AUTS2: variants seen among roughly 807,000 people sequenced by gnomAD.
The protein encoded by AUTS2 is activator of transcription and developmental regulator AUTS2.
AUTS2 carries 17 observed loss-of-function variants against 112.4 expected under a neutral mutation model. That is an observed-to-expected ratio of 0.15 (90% confidence interval 0.10 to 0.23). The LOEUF is 0.23. Ranked by LOEUF, AUTS2 falls within the 10% of genes least tolerant of loss-of-function variation. The pLI, the probability that AUTS2 is intolerant of heterozygous loss-of-function variation, is 1.00. For synonymous variants in AUTS2, 751 were observed against 702.7 expected (o/e 1.07, Z -1.09); for missense variants, 1,510 against 1,701.6 (o/e 0.89, Z 1.98).
chr7:70,187,757 A>G (rs1015042681), intron 4 of AUTS2, among the ~76,000 whole-genome samples: 1 of 151,054 alleles, frequency 6.6e-6, no homozygotes, highest in Non-Finnish European at 1.5e-5. Flanking sequence ...AGACTGTCAG[A>G]CATACTCAAC....
At chr7:70,297,125 C>T (rs1182398639) in intron 4 of AUTS2, among the ~76,000 whole-genome samples, 1 of 150,754 alleles carries the variant, frequency 6.6e-6, no homozygotes, top group African/African-American at 2.4e-5. Context: ...TCTGGGATTA[C>T]AGATGTAAGC....
At chr7:70,610,523 C>A (rs1804039486) in intron 5 of AUTS2, among the ~76,000 whole-genome samples, 1 of 147,140 alleles carries the variant, frequency 6.8e-6, no homozygotes, top group South Asian at 2.2e-4. Flanking sequence ...GCAGCCTCAA[C>A]CTCCTGGGCT....
chr7:69,998,372 T>A (rs1584548124), intron 2 of AUTS2, among the ~76,000 whole-genome samples: 1 of 151,702 alleles, frequency 6.6e-6, no homozygotes. Flanking sequence ...AAAAAAAAAA[T>A]CATCTGTAAT....
chr7:69,841,538 C>T (rs1791980726), intron 1 of AUTS2, among the ~76,000 whole-genome samples: 1 of 152,128 alleles, frequency 6.6e-6, no homozygotes. Flanking sequence ...ACAAGGTTTA[C>T]AGAAAATAGA....
chr7:70,365,048 C>T (rs1233973916), intron 4 of AUTS2, among the ~76,000 whole-genome samples: 1 of 152,024 alleles, frequency 6.6e-6, no homozygotes, highest in African/African-American at 2.4e-5. Context: ...CTGGGAAAGC[C>T]TATTAACAAA....
At chr7:69,824,937 T>C (rs1791174604) in intron 1 of AUTS2, among the ~76,000 whole-genome samples, 1 of 152,206 alleles carries the variant, frequency 6.6e-6, no homozygotes, top group African/African-American at 2.4e-5. Context: ...GTTGGTGGGA[T>C]TGAACCTTAT....
chr7:69,866,898 C>T (rs780376730), intron 1 of AUTS2, among the ~76,000 whole-genome samples: 12 of 152,206 alleles, frequency 7.9e-5, no homozygotes, highest in Admixed American at 1.3e-4. Context: ...CCTGGGTTAG[C>T]CGGCTGGGGT....
chr7:70,454,921 A>G (rs2131115215), intron 5 of AUTS2, among the ~76,000 whole-genome samples: 1 of 152,298 alleles, frequency 6.6e-6, no homozygotes, highest in Non-Finnish European at 1.5e-5. Context: ...AGACCATTCC[A>G]CGAGCTGCTG....
At chr7:69,859,818 C>A (rs896752687) in intron 1 of AUTS2, among the ~76,000 whole-genome samples, 1 of 152,084 alleles carries the variant, frequency 6.6e-6, no homozygotes, top group African/African-American at 2.4e-5. Context: ...CAAACAAAAA[C>A]AACAACAACA....
chr7:70,156,891 TAAAAAAAAAAAAAAAAAAAA>T lies in AUTS2; in HGVS notation c.660+22337_660+22356del, dbSNP rs781281055. Among the ~76,000 whole-genome samples the T allele has an allele frequency of 2.8e-3, 106 of 37,878 alleles. 4 individuals are homozygous for T. In the East Asian group the frequency reaches 0.046, roughly 17 times the overall value. 24.8% of individuals were successfully genotyped at this position (37,878 alleles called of 152,430 possible). Reference sequence around the variant, plus strand: ...AGTGAAACCCCATCTCTACTAAAAGTAAAAAAAAAAAAAAAAAAAAAAAAAAAAAAAAAAAATTAGCTGGG... The same window carrying T: ...AGTGAAACCCCATCTCTACTAAAAGTAAAAAAAAAAAAAAAATTAGCTGGG... On this transcript the variant is annotated intron_variant, in intron 4 of 18. Transcript: ENST00000342771.
chr7:70,348,215 T>C (rs1791585941), intron 4 of AUTS2, among the ~76,000 whole-genome samples: 1 of 152,178 alleles, frequency 6.6e-6, no homozygotes, highest in Non-Finnish European at 1.5e-5. Context: ...CATGTTTTAA[T>C]ATAAGGAAAC....
At chr7:70,088,314 A>G (rs1803719834) in intron 2 of AUTS2, among the ~76,000 whole-genome samples, 1 of 151,694 alleles carries the variant, frequency 6.6e-6, no homozygotes, top group Non-Finnish European at 1.5e-5. Flanking sequence ...TTTTTAGTAG[A>G]GATGGGGTTT....
intron 4 of AUTS2, among the ~76,000 whole-genome samples, chr7:70,361,890 A>G (rs1792286362): frequency 6.6e-6 from 1 of 152,198 alleles, no homozygotes; most frequent in Non-Finnish European, 1.5e-5. Context: ...GTATATGTAT[A>G]TAGGCATATA....
intron 6 of AUTS2, among the ~76,000 whole-genome samples, chr7:70,751,952 G>A (rs907705738): frequency 6.6e-6 from 1 of 151,652 alleles, no homozygotes; most frequent in Non-Finnish European, 1.5e-5. Context: ...CTTGAACTCT[G>A]GACCTCAAGT....
chr7:70,067,515 C>A (rs987196585), intron 2 of AUTS2, among the ~76,000 whole-genome samples: 8 of 152,106 alleles, frequency 5.3e-5, no homozygotes, highest in Admixed American at 5.2e-4. Context: ...TCCATTAATT[C>A]TTTGTCTAGG....
intron 5 of AUTS2, among the ~76,000 whole-genome samples, chr7:70,629,532 C>A (rs1273895188): frequency 6.6e-6 from 1 of 151,958 alleles, no homozygotes; most frequent in Non-Finnish European, 1.5e-5. Context: ...GTGGTCATAG[C>A]AGCCAACATA....
intron 4 of AUTS2, among the ~76,000 whole-genome samples, chr7:70,274,766 A>G (rs2129609519): frequency 6.6e-6 from 1 of 152,312 alleles, no homozygotes; most frequent in Middle Eastern, 3.4e-3. Context: ...AGGTAATGCC[A>G]TGGAGGCCTG....
intron 2 of AUTS2, among the ~76,000 whole-genome samples, chr7:70,107,541 A>G (rs1804836057): frequency 6.7e-6 from 1 of 148,554 alleles, no homozygotes; most frequent in Non-Finnish European, 1.5e-5. Flanking sequence ...ATGGGGTTTC[A>G]CCTTATTGGC....
intron 2 of AUTS2, among the ~76,000 whole-genome samples, chr7:69,977,120 TG>T (rs1798091362): frequency 6.6e-6 from 1 of 152,210 alleles, no homozygotes; most frequent in South Asian, 2.1e-4. Flanking sequence ...AGTTAATTTT[TG>T]TATATGGTGT....
Sources: allele counts gnomAD v4.1 joint callset (sites outside exome capture counted in the v4.1 genomes callset), GRCh38; gene constraint gnomAD v4.1.1; transcripts MANE v1.5; gene names NCBI Gene and HGNC (gene_info 2026-07-23, HGNC 2026-07-21).